The following TRPC5 variants were observed in gnomAD, a reference collection of about 807,000 sequenced individuals.
TRPC5 encodes short transient receptor potential channel 5.
In TRPC5, 9 loss-of-function variants were observed where a neutral mutation model predicts 56.5. The ratio of observed to expected loss-of-function variants is 0.16; its 90% CI spans 0.10 to 0.28. The LOEUF is 0.28. Ranked by LOEUF, TRPC5 falls within the 10% of genes least tolerant of loss-of-function variation. The pLI, the probability that TRPC5 is intolerant of heterozygous loss-of-function variation, is 1.00. For missense variants in TRPC5, 469 were observed against 748.9 expected (o/e 0.63, Z 4.36); for synonymous variants, 282 against 278.5 (o/e 1.01, Z -0.13).
intron 3 of TRPC5, among the ~76,000 whole-genome samples, chrX:111,867,410 A>G (rs1313750421): frequency 8.9e-6 from 1 of 112,118 alleles, no homozygotes; most frequent in East Asian, 2.8e-4. Flanking sequence ...AGTCCTAAGA[A>G]AAGGCTGCGG....
chrX:112,019,368 T>A (rs1351118506), intron 1 of TRPC5, among the ~76,000 whole-genome samples: 2 of 112,086 alleles, frequency 1.8e-5, no homozygotes, highest in African/African-American at 3.2e-5. Context: ...AAGGGGCATT[T>A]GAATTAAGGC....
At chrX:111,932,731 A>G (rs73639670) in intron 2 of TRPC5, among the ~76,000 whole-genome samples, 206 of 112,012 alleles carry the variant, frequency 1.8e-3, no homozygotes, top group African/African-American at 6.6e-3. Context: ...AAGATGAAAG[A>G]AAAAAAGAGG....
intron 3 of TRPC5, among the ~76,000 whole-genome samples, chrX:111,880,962 A>G (rs1156301833): frequency 9.0e-6 from 1 of 111,440 alleles, no homozygotes; most frequent in Admixed American, 9.5e-5. Flanking sequence ...CATAGGTTCT[A>G]CAAATGCTCA....
At chrX:111,971,905 C>T (rs1927795745) in intron 1 of TRPC5, among the ~76,000 whole-genome samples, 1 of 111,321 alleles carries the variant, frequency 9.0e-6, no homozygotes, top group South Asian at 3.8e-4. Context: ...GTGCTGAGCC[C>T]CCATGTAAAT....
intron 1 of TRPC5, among the ~76,000 whole-genome samples, chrX:111,970,268 A>T (rs1403532839): frequency 9.0e-6 from 1 of 111,601 alleles, no homozygotes; most frequent in Non-Finnish European, 1.9e-5. Context: ...AAAGATGCTT[A>T]ATTTGCTTTT....
chrX:111,905,910 G>A (rs1925595892), intron 3 of TRPC5, among the ~76,000 whole-genome samples: 2 of 77,834 alleles, frequency 2.6e-5, no homozygotes, highest in Non-Finnish European at 4.5e-5. Flanking sequence ...GCGAGTCTCT[G>A]TCTCAAAAAA....
chrX:111,871,696 G>A lies in TRPC5; in HGVS notation c.901-17590C>T, dbSNP rs759026022. On this transcript the variant is annotated intron_variant, in intron 3 of 10. Transcript: ENST00000262839. ...AGTTCTTTTCATCATTATGACTTAC[G>A]AGATGTAGAATTGTCACTTCTGGAT... 5.4e-3 allele frequency among the ~76,000 whole-genome samples: 607 copies of A among 111,673 alleles called. 1 individual carries two copies. Among genetic ancestry groups the A allele is most frequent in the Non-Finnish European group, 9.7e-3 (517 of 53,105 alleles).
intron 1 of TRPC5, among the ~76,000 whole-genome samples, chrX:111,985,847 ACCTTGT>A (rs1928198059): frequency 9.0e-6 from 1 of 111,667 alleles, no homozygotes; most frequent in Non-Finnish European, 1.9e-5. Context: ...AACCATGCCC[ACCTTGT>A]CTTTGGCAGT....
chrX:111,917,678 GA>G (rs1373263804), intron 2 of TRPC5, among the ~76,000 whole-genome samples: 1 of 112,356 alleles, frequency 8.9e-6, no homozygotes, highest in Non-Finnish European at 1.9e-5. Flanking sequence ...AATAGTAGTT[GA>G]AACCAAGAGT....
chrX:111,871,567 G>A (rs982823706), intron 3 of TRPC5, among the ~76,000 whole-genome samples: 6 of 111,416 alleles, frequency 5.4e-5, no homozygotes, highest in African/African-American at 9.8e-5. Flanking sequence ...TCATTATGAG[G>A]ATTAAGAGAG....
intron 1 of TRPC5, among the ~76,000 whole-genome samples, chrX:112,064,021 T>C (rs1208135057): frequency 3.6e-5 from 4 of 111,847 alleles, no homozygotes; most frequent in Non-Finnish European, 5.6e-5. Context: ...GCACACATCC[T>C]GCCCCCCAAA....
rs1569525908 is a variant in TRPC5 at position 111,825,151 on chromosome X, CTTTCTTTCTTTCTTTCTTT to C, written c.1896+9751_1896+9769del. On this transcript the variant is annotated intron_variant, in intron 7 of 10. Coordinates refer to ENST00000262839, the MANE Select transcript of TRPC5 (RefSeq NM_012471.3). ...TTTTCCTTCCTTCCTTCCTTCCTTT[CTTTCTTTCTTTCTTTCTTT>C]CTTTCTTTCTTTCTTTCTTTCTTTC... is the stretch of plus-strand genomic sequence containing the variant. Among the ~76,000 whole-genome samples the C allele has an allele frequency of 9.6e-3, 212 of 22,145 alleles. 8 individuals carry two copies. The highest frequency in any genetic ancestry group is 0.013 in the African/African-American group (173 of 13,431). 19.2% of individuals were successfully genotyped at this position (22,145 alleles called of 115,157 possible). A position where few individuals can be genotyped will look rare whatever the true frequency, so the allele number is the denominator to read the frequency against.
intron 7 of TRPC5, among the ~76,000 whole-genome samples, chrX:111,805,547 A>C (rs1452544730): frequency 8.9e-6 from 1 of 111,860 alleles, no homozygotes; most frequent in Non-Finnish European, 1.9e-5. Context: ...ATTGAGCTGA[A>C]AAATCAAGCT....
chrX:112,030,157 G>A (rs1055320020), intron 1 of TRPC5, among the ~76,000 whole-genome samples: 2 of 112,493 alleles, frequency 1.8e-5, no homozygotes, highest in Non-Finnish European at 3.8e-5. Flanking sequence ...GCTCCTTTCT[G>A]TAAAACAGAG....
At chrX:111,930,100 A>G (rs1203119360) in intron 2 of TRPC5, among the ~76,000 whole-genome samples, 1 of 111,099 alleles carries the variant, frequency 9.0e-6, no homozygotes, top group Non-Finnish European at 1.9e-5. Flanking sequence ...CTTCCTCATC[A>G]AACACTACTC....
intron 1 of TRPC5, among the ~76,000 whole-genome samples, chrX:111,953,629 T>G (rs1356852432): frequency 1.8e-5 from 2 of 112,114 alleles, no homozygotes; most frequent in East Asian, 2.8e-4. Context: ...TGAGTTAGGA[T>G]GGACCTATTC....
At chrX:111,944,303 T>TGTGAGAGAGA (rs1173179815) in intron 2 of TRPC5, among the ~76,000 whole-genome samples, 1 of 61,391 alleles carries the variant, frequency 1.6e-5, no homozygotes, top group Non-Finnish European at 2.8e-5. Context: ...TGTGTGTGTG[T>TGTGAGAGAGA]GAGAGAGAGA....
In TRPC5 at chrX:111,912,456, A is replaced by G; in HGVS notation, c.735T>C (p.Ser245=). The G allele has an allele frequency of 8.3e-7, 1 of 1,211,662 alleles. No homozygotes were observed. Among genetic ancestry groups the G allele is most frequent in the East Asian group, 3.0e-5 (1 of 33,817 alleles). ...NEFKAEYEEL[S]QQCKLFAKDL... ...CTTTGGCAAAGAGCTTGCACTGCTG[A>G]GAGAGCTCCTCATACTCGGCCTTGA... The change falls in exon 3 of 11, where the codon TCT becomes TCC. Residue 245 remains serine (S), a synonymous_variant. Transcript: ENST00000262839.
chrX:111,951,220 G>C (rs1037553792), intron 2 of TRPC5, among the ~76,000 whole-genome samples: 3 of 111,706 alleles, frequency 2.7e-5, no homozygotes, highest in African/African-American at 9.8e-5. Flanking sequence ...TGATTCAATA[G>C]GGCTGTGGCA....
Sources: gnomAD v4.1 joint callset for allele counts (sites outside exome capture counted in the v4.1 genomes callset) on GRCh38, gnomAD v4.1.1 for gene constraint, MANE v1.5 for transcripts, NCBI Gene and HGNC (gene_info 2026-07-23, HGNC 2026-07-21) for gene names.